Variants in BMPR1A observed in about 807,000 individuals in gnomAD.
BMPR1A encodes the protein bone morphogenetic protein receptor type-1A.
In BMPR1A, 7 loss-of-function variants were observed where a neutral mutation model predicts 66.0. The observed-to-expected ratio is 0.11, with a 90% CI of 0.06 to 0.20. The LOEUF (loss-of-function observed/expected upper bound fraction) is 0.20, where lower values mean the gene tolerates loss of function less well. BMPR1A is among the 10% of genes least tolerant of loss of function. The pLI is 1.00. For synonymous variants in BMPR1A, 200 were observed against 229.7 expected, an observed-to-expected ratio of 0.87 and a Z score of 1.17; for missense variants, 408 against 669.1, an observed-to-expected ratio of 0.61 and a Z score of 4.31.
chr10:86,839,674 G>T (rs1449282577), intron 2 of BMPR1A, among the ~76,000 whole-genome samples: 2 of 149,346 alleles, frequency 1.3e-5, no homozygotes, highest in Admixed American at 1.3e-4. Flanking sequence ...TTAGAATTCA[G>T]AATTTTTTTT....
At chr10:86,778,826 TGTG>T (rs568676841) in intron 1 of BMPR1A, among the ~76,000 whole-genome samples, 128 of 152,276 alleles carry the variant, frequency 8.4e-4, no homozygotes, top group African/African-American at 3.0e-3. Context: ...AGTGAGAACA[TGTG>T]GTGATTAACT....
intron 1 of BMPR1A, among the ~76,000 whole-genome samples, chr10:86,814,438 C>T (rs1001020776): frequency 5.3e-5 from 8 of 151,924 alleles, no homozygotes; most frequent in Non-Finnish European, 8.8e-5. Flanking sequence ...TTCATCATTT[C>T]GTTTTTGGTT....
At chr10:86,874,745 T>G (rs1842899130) in intron 2 of BMPR1A, among the ~76,000 whole-genome samples, 1 of 120,126 alleles carries the variant, frequency 8.3e-6, no homozygotes, top group Non-Finnish European at 1.6e-5. Flanking sequence ...TGAGATGGAG[T>G]CTCGCTCTGT....
At chr10:86,847,418 T>C (rs1400076448) in intron 2 of BMPR1A, among the ~76,000 whole-genome samples, 1 of 152,180 alleles carries the variant, frequency 6.6e-6, no homozygotes, top group African/African-American at 2.4e-5. Flanking sequence ...TCTTATGTAT[T>C]CTTTCTTCCT....
At chr10:86,873,642 A>C (rs1322176814) in intron 2 of BMPR1A, among the ~76,000 whole-genome samples, 2 of 152,136 alleles carry the variant, frequency 1.3e-5, no homozygotes, top group African/African-American at 4.8e-5. Flanking sequence ...TTCTAGTAGA[A>C]ATATTTAGTG....
chr10:86,823,511 T>C (rs186830676), intron 1 of BMPR1A, among the ~76,000 whole-genome samples: 1 of 152,346 alleles, frequency 6.6e-6, no homozygotes. Context: ...TGTTCTTCTC[T>C]TTACTTCCTA....
At position 86,876,076 on chromosome 10, in the gene BMPR1A, C is replaced by T. The variant is rs1472397694; in HGVS notation, c.58C>T (p.Arg20Cys). 6 of 1,610,366 alleles carry T rather than the reference C, an allele frequency of 3.7e-6. No homozygotes were observed. The highest frequency in any genetic ancestry group is 2.2e-5 in the East Asian group (1 of 44,816). Residue 20 changes from arginine to cysteine, a missense_variant, in exon 3 of 13, where the codon CGT (arginine) becomes TGT (cysteine). By Grantham distance (180) the Arg-to-Cys change is radical (BLOSUM62 -3). This residue lies in a region of BMPR1A where 68 missense variants were observed against 83.0 expected (regional missense o/e 0.82). Transcript: ENST00000372037. ...GGGAGCCTATTTGTTCATCATTTCTCGTGTTCAAGGTAAATCAGTGTTCAT... is the reference window on the plus strand; with the variant it reads ...GGGAGCCTATTTGTTCATCATTTCTTGTGTTCAAGGTAAATCAGTGTTCAT... ...LLGAYLFIISRVQGQNLDSML... is the reference protein window; with the variant it reads ...LLGAYLFIISCVQGQNLDSML...
At chr10:86,792,063 C>CTTTTTTT (rs35251758) in intron 1 of BMPR1A, among the ~76,000 whole-genome samples, 1 of 83,602 alleles carries the variant, frequency 1.2e-5, no homozygotes, top group Non-Finnish European at 2.3e-5. Context: ...ACTGTCAGAT[C>CTTTTTTT]TTTTTTTTTT....
chr10:86,824,099 G>GTT (rs1842159018), intron 1 of BMPR1A, among the ~76,000 whole-genome samples: 1 of 151,252 alleles, frequency 6.6e-6, no homozygotes, highest in Admixed American at 6.6e-5. Flanking sequence ...GTGTGTGTGT[G>GTT]TGTGTGTGTG....
At chr10:86,789,728 A>AT (rs1005451947) in intron 1 of BMPR1A, among the ~76,000 whole-genome samples, 2 of 150,902 alleles carry the variant, frequency 1.3e-5, no homozygotes, top group African/African-American at 4.9e-5. Context: ...AAAAAAAACA[A>AT]ACAAACACGT....
intron 7 of BMPR1A, among the ~76,000 whole-genome samples, 183 bp downstream of exon 7, chr10:86,900,309 A>G (rs374516608): frequency 2.0e-5 from 3 of 152,042 alleles, no homozygotes; most frequent in South Asian, 2.1e-4. Context: ...ATTGGGCACA[A>G]TTTCATACTT....
At chr10:86,875,344 G>T (rs1295062748) in intron 2 of BMPR1A, among the ~76,000 whole-genome samples, 1 of 970 alleles carries the variant, frequency 1.0e-3, no homozygotes, top group Non-Finnish European at 1.8e-3. Context: ...TTGCACTCCA[G>T]CCTGGGCGAC....
At chr10:86,836,340 GACTTGCAGAGCTGT>G (rs1842347182) in intron 1 of BMPR1A, among the ~76,000 whole-genome samples, 1 of 152,184 alleles carries the variant, frequency 6.6e-6, no homozygotes, top group South Asian at 2.1e-4. Flanking sequence ...TGTACAATGT[GACTTGCAGAGCTGT>G]ACTGTGGAGC....
chr10:86,766,638 C>G (rs1199588834), intron 1 of BMPR1A, among the ~76,000 whole-genome samples: 1 of 86,196 alleles, frequency 1.2e-5, no homozygotes, highest in Non-Finnish European at 1.9e-5. Context: ...TTTTTTGAGA[C>G]GGAGTCTCGC....
At chr10:86,815,265 C>T (rs117321874) in intron 1 of BMPR1A, among the ~76,000 whole-genome samples, 2,167 of 152,262 alleles carry the variant, frequency 0.014, 22 homozygotes, top group Non-Finnish European at 0.023. Flanking sequence ...TTGAGGTCTC[C>T]TGTTTCTACT....
Position 86,924,931 on chromosome 10 carries a change from C to G in BMPR1A, c.*1212C>G, listed in dbSNP as rs535962114. The stretch of plus-strand genomic sequence containing the variant: ...CTTTGTTAACTTCAGGTAAAAACTT[C>G]ATTAGGGTAATATCATCTCAATTTT... On this transcript the variant is annotated 3_prime_UTR_variant, in exon 13 of 13. Transcript: ENST00000372037. The G allele has an allele frequency of 1.7e-5, 4 of 231,978 alleles. No individual in the cohort carries two copies. The South Asian group carries it at 7.3e-4, about 42-fold the overall frequency. 14.4% of individuals were successfully genotyped at this position (231,978 alleles called of 1,614,324 possible). A position where few individuals can be genotyped will look rare whatever the true frequency, so the allele number is the denominator to read the frequency against.
At chr10:86,896,004 AT>A (rs1393395797) in intron 5 of BMPR1A, among the ~76,000 whole-genome samples, 3 of 151,918 alleles carry the variant, frequency 2.0e-5, no homozygotes, top group Non-Finnish European at 4.4e-5. Context: ...AAATACAAAA[AT>A]TAGCCGGGCG....
At chr10:86,760,640 C>T (rs1348569918) in intron 1 of BMPR1A, among the ~76,000 whole-genome samples, 2 of 152,164 alleles carry the variant, frequency 1.3e-5, no homozygotes, top group Non-Finnish European at 2.9e-5. Flanking sequence ...GGAAAGGCTC[C>T]TGTCTAGCCT....
chr10:86,868,797 C>T (rs114428997), intron 2 of BMPR1A, among the ~76,000 whole-genome samples: 1,567 of 117,770 alleles, frequency 0.013, 26 homozygotes, highest in African/African-American at 0.055. Context: ...TTTTTAAGTT[C>T]CAATTGAACT....
Sources: gnomAD v4.1 joint callset for allele counts (sites outside exome capture counted in the v4.1 genomes callset) on GRCh38, gnomAD v4.1.1 for gene constraint, gnomAD v4.1.1 regional missense constraint, MANE v1.5 for transcripts, NCBI Gene and HGNC (gene_info 2026-07-23, HGNC 2026-07-21) for gene names.